ST6GAL1: variants seen among roughly 807,000 people sequenced by gnomAD.
The protein encoded by ST6GAL1 is ST6 beta-galactoside alpha-2,6-sialyltransferase 1, also known as beta-galactoside alpha-2,6-sialyltransferase 1.
In ST6GAL1, 20 loss-of-function variants were observed where a neutral mutation model predicts 38.0. That is an observed-to-expected ratio of 0.53 (90% CI 0.37 to 0.77). The LOEUF (loss-of-function observed/expected upper bound fraction) is 0.77. Ranked by LOEUF, ST6GAL1 falls within the 30% of genes least tolerant of loss-of-function variation. ST6GAL1 has a pLI of 0.00. For missense variants in ST6GAL1, 432 were observed against 496.4 expected (o/e 0.87, Z 1.23); for synonymous variants, 196 against 188.2 (o/e 1.04, Z -0.34).
chr3:187,046,246 A>T (rs922252544), intron 4 of ST6GAL1, among the ~76,000 whole-genome samples: 38 of 152,190 alleles, frequency 2.5e-4, no homozygotes, highest in Admixed American at 9.2e-4. Flanking sequence ...GCTGGAAATG[A>T]TCTTGAGTGA....
At chr3:186,942,738 C>G (rs546686930) in intron 1 of ST6GAL1, among the ~76,000 whole-genome samples, 4 of 152,162 alleles carry the variant, frequency 2.6e-5, no homozygotes, top group Non-Finnish European at 4.4e-5. Flanking sequence ...TGTGTGTTCT[C>G]TCATCCAATC....
At chr3:186,953,229 A>G (rs961614182) in intron 1 of ST6GAL1, among the ~76,000 whole-genome samples, 12 of 152,192 alleles carry the variant, frequency 7.9e-5, no homozygotes, top group African/African-American at 2.9e-4. Context: ...TCTTTTACTC[A>G]GAGCTTAGAA....
chr3:187,076,749 A>G lies in ST6GAL1; in HGVS notation c.*946A>G, dbSNP rs1225080548. ...TTCTTTCTTCCCATGTTTATTTTCTAAGATCTACCTGAACTTAGAGACTCA... is the reference window on the plus strand; with the variant it reads ...TTCTTTCTTCCCATGTTTATTTTCTGAGATCTACCTGAACTTAGAGACTCA... On this transcript the variant is annotated 3_prime_UTR_variant, in exon 8 of 8. Coordinates refer to ENST00000169298, the MANE Select transcript of ST6GAL1 (RefSeq NM_173216.2). 5.0e-6 allele frequency: 2 copies of G among 398,506 alleles called. No individual in the cohort carries two copies. The highest frequency in any genetic ancestry group is 8.8e-6 in the Non-Finnish European group (2 of 226,038). The allele number at this position is 398,506 out of a possible 1,614,324, so 24.7% of individuals were successfully genotyped here.
intron 7 of ST6GAL1, 102 bp downstream of exon 7, chr3:187,074,435 T>C: frequency 7.8e-7 from 1 of 1,284,154 alleles, no homozygotes; most frequent in Non-Finnish European, 1.0e-6. Context: ...ATTTGTTCAC[T>C]AAACAATTGC....
intron 1 of ST6GAL1, among the ~76,000 whole-genome samples, chr3:186,940,665 T>C (rs978599277): frequency 3.3e-5 from 5 of 152,220 alleles, no homozygotes; most frequent in Non-Finnish European, 5.9e-5. Flanking sequence ...CCAAGATAAT[T>C]CTTCCAGTGT....
At chr3:186,994,948 C>CAA (rs397876791) in intron 2 of ST6GAL1, among the ~76,000 whole-genome samples, 8 of 127,822 alleles carry the variant, frequency 6.3e-5, no homozygotes, top group East Asian at 2.4e-4. Flanking sequence ...CTCTCAAAAA[C>CAA]AAAAAAAAAA....
intron 2 of ST6GAL1, among the ~76,000 whole-genome samples, chr3:186,982,265 A>C (rs1715719234): frequency 6.6e-6 from 1 of 152,234 alleles, no homozygotes; most frequent in Admixed American, 6.5e-5. Context: ...TACAAATTGC[A>C]TCAAAGGGTG....
At chr3:187,028,151 T>G (rs1717610814) in intron 2 of ST6GAL1, among the ~76,000 whole-genome samples, 1 of 152,126 alleles carries the variant, frequency 6.6e-6, no homozygotes. Context: ...GGAGTTTTAC[T>G]GTAAAGGAAA....
chr3:186,934,156 C>T (rs1207851655), intron 1 of ST6GAL1, among the ~76,000 whole-genome samples: 1 of 152,226 alleles, frequency 6.6e-6, no homozygotes, highest in East Asian at 1.9e-4. Flanking sequence ...TGCCCAGTCT[C>T]TGCACAGGCT....
intron 2 of ST6GAL1, among the ~76,000 whole-genome samples, chr3:187,035,614 T>C (rs923692027): frequency 7.9e-5 from 12 of 152,112 alleles, no homozygotes; most frequent in African/African-American, 2.9e-4. Flanking sequence ...CCTATAATCA[T>C]CTGATCTTTA....
chr3:186,938,947 G>A (rs1714062285), intron 1 of ST6GAL1, among the ~76,000 whole-genome samples: 2 of 152,130 alleles, frequency 1.3e-5, no homozygotes, highest in Admixed American at 6.6e-5. Context: ...CGCAGTCATG[G>A]GACTGTGTGT....
intron 2 of ST6GAL1, among the ~76,000 whole-genome samples, chr3:187,004,401 A>G (rs1335394897): frequency 6.6e-6 from 1 of 152,238 alleles, no homozygotes; most frequent in Non-Finnish European, 1.5e-5. Flanking sequence ...GACTTTTCCT[A>G]AGAGAGAGGT....
At chr3:187,054,137 G>C (rs182874594) in intron 5 of ST6GAL1, among the ~76,000 whole-genome samples, 351 of 152,312 alleles carry the variant, frequency 2.3e-3, no homozygotes, top group Non-Finnish European at 4.0e-3. Context: ...TGTGATGTTT[G>C]CACATTGATT....
At chr3:187,048,771 A>G (rs1718397935) in intron 4 of ST6GAL1, among the ~76,000 whole-genome samples, 2 of 152,082 alleles carry the variant, frequency 1.3e-5, no homozygotes, top group African/African-American at 4.8e-5. Flanking sequence ...CTTATGGTCA[A>G]CATCAAGCAT....
chr3:187,017,558 T>C (rs1717157273), intron 2 of ST6GAL1, among the ~76,000 whole-genome samples: 2 of 152,204 alleles, frequency 1.3e-5, no homozygotes, highest in Admixed American at 6.5e-5. Flanking sequence ...TTCTCCTCCA[T>C]GTTCCCTTCC....
chr3:186,985,903 G>A (rs1181120155), intron 2 of ST6GAL1, among the ~76,000 whole-genome samples: 1 of 152,258 alleles, frequency 6.6e-6, no homozygotes, highest in East Asian at 1.9e-4. Context: ...GGACTGGCAG[G>A]AAGCTGGTCC....
intron 2 of ST6GAL1, among the ~76,000 whole-genome samples, chr3:187,011,894 G>A (rs1361083199): frequency 1.3e-5 from 2 of 152,210 alleles, no homozygotes; most frequent in Admixed American, 6.5e-5. Context: ...AATGCACCTT[G>A]CAGTACTTGA....
chr3:187,053,788 T>A (rs1051663532), intron 5 of ST6GAL1, among the ~76,000 whole-genome samples: 5 of 152,236 alleles, frequency 3.3e-5, no homozygotes, highest in African/African-American at 1.2e-4. Flanking sequence ...GCAGGCTCTT[T>A]TTTGGTTGCA....
At chr3:187,026,444 A>G (rs1420503361) in intron 2 of ST6GAL1, among the ~76,000 whole-genome samples, 3 of 152,238 alleles carry the variant, frequency 2.0e-5, no homozygotes, top group Non-Finnish European at 4.4e-5. Flanking sequence ...TACTTAGCAC[A>G]TAGTAAAAGC....
Sources: gnomAD v4.1 joint callset for allele counts (sites outside exome capture counted in the v4.1 genomes callset) on GRCh38, gnomAD v4.1.1 for gene constraint, MANE v1.5 for transcripts, NCBI Gene and HGNC (gene_info 2026-07-23, HGNC 2026-07-21) for gene names.